BBS4: variants seen among roughly 807,000 people sequenced by gnomAD.
BBS4 encodes Bardet-Biedl syndrome 4, also known as BBSome complex member BBS4.
Under a neutral mutation model 71.4 loss-of-function variants are expected in BBS4, and 58 were observed. The observed-to-expected ratio is 0.81, with a 90% confidence interval of 0.66 to 1.01. The LOEUF is 1.01. BBS4 is among the 50% of genes least tolerant of loss of function. The pLI is 0.00. For synonymous variants in BBS4, 228 were observed against 216.8 expected, an observed-to-expected ratio of 1.05 and a Z score of -0.46; for missense variants, 660 against 607.9, an observed-to-expected ratio of 1.09 and a Z score of -0.90.
In BBS4 at chr15:72,736,898, T is replaced by C; in HGVS notation, c.1385T>C (p.Leu462Pro). 2.5e-6 allele frequency: 4 copies of C among 1,614,230 alleles called. No individual in the cohort carries two copies. Among genetic ancestry groups the C allele is most frequent in the Non-Finnish European group, 2.5e-6 (3 of 1,180,036 alleles). The change falls in exon 15 of 16, where the codon CTG becomes CCG. Residue 462 changes from leucine to proline, a missense_variant. Leu to Pro is a moderately conservative substitution (Grantham distance 98). Transcript: ENST00000268057. ...AAACCTGCCAGTTTCCAGCAGCCTCTGGGCTCTAATCAAGCTCTAGGACAG... is the reference window on the plus strand; with the variant it reads ...AAACCTGCCAGTTTCCAGCAGCCTCCGGGCTCTAATCAAGCTCTAGGACAG... The part of the protein sequence containing the change: ...TSKPASFQQP[L>P]GSNQALGQAM...
intron 1 of BBS4, among the ~76,000 whole-genome samples, chr15:72,694,932 A>G (rs532461275): frequency 1.3e-5 from 2 of 152,366 alleles, no homozygotes; most frequent in East Asian, 1.9e-4. Flanking sequence ...CTATAATTAT[A>G]CATTAAAAAT....
At chr15:72,708,155 A>G (rs2151014215) in intron 2 of BBS4, among the ~76,000 whole-genome samples, 1 of 152,144 alleles carries the variant, frequency 6.6e-6, no homozygotes, top group East Asian at 1.9e-4. Context: ...TTTAGTAGAG[A>G]CAGGGTTTCA....
chr15:72,732,248 CT>C (rs1280061104), intron 12 of BBS4, among the ~76,000 whole-genome samples: 1 of 152,102 alleles, frequency 6.6e-6, no homozygotes, highest in Non-Finnish European at 1.5e-5. Context: ...TAATTGGCCC[CT>C]AGGTGATACT....
At chr15:72,686,691 T>A in intron 1 of BBS4, 2 of 731,422 alleles carry the variant, frequency 2.7e-6, no homozygotes, top group Non-Finnish European at 4.1e-6. Context: ...CTGTGGTGAT[T>A]AAGTTTAGGA....
At chr15:72,736,238 C>CTT (rs35502034) in intron 14 of BBS4, among the ~76,000 whole-genome samples, 3,552 of 113,414 alleles carry the variant, frequency 0.031, 140 homozygotes, top group East Asian at 0.13. Flanking sequence ...TTCTATTTCA[C>CTT]TTTTTTTTTT....
intron 13 of BBS4, 101 bp downstream of exon 13, chr15:72,735,283 G>C: frequency 2.3e-6 from 2 of 882,518 alleles, no homozygotes; most frequent in Non-Finnish European, 3.7e-6. Flanking sequence ...CAGCCCAGCT[G>C]TTCCTCTATG....
At position 72,736,773 on chromosome 15, in the gene BBS4, G is replaced by A. The variant is rs746475272; in HGVS notation, c.1260G>A (p.Met420Ile). The change falls in exon 15 of 16, where the codon ATG becomes ATA. Residue 420 changes from methionine (M) to isoleucine (I), a missense_variant. Coordinates refer to ENST00000268057, the MANE Select transcript of BBS4 (RefSeq NM_033028.5). The stretch of plus-strand genomic sequence containing the variant: ...TTTGTGGACACAAGATGGTGGAGAT[G>A]GCTCAGAAGTTGGGAGCTGCTCTCC... ...SLEFDSEMVE[M>I]AQKLGAALQV... 1 of 1,614,164 alleles carries A rather than the reference G, an allele frequency of 6.2e-7. No homozygotes were observed. Among genetic ancestry groups the A allele is most frequent in the East Asian group, 2.2e-5 (1 of 44,878 alleles).
chr15:72,706,518 G>A (rs985440063), intron 2 of BBS4, among the ~76,000 whole-genome samples: 1 of 152,068 alleles, frequency 6.6e-6, no homozygotes, highest in Admixed American at 6.6e-5. Flanking sequence ...TGGCTTTTTC[G>A]AAGGAGATTT....
chr15:72,731,420 T>G lies in BBS4; in HGVS notation c.827T>G (p.Ile276Ser), dbSNP rs1042320767. The stretch of plus-strand genomic sequence containing the variant: ...GAAAGTCCTCCACTCTGGAATAACA[T>G]TGGAATGTGTTTCTTTGGCAAGAAG... ...VPESPPLWNN[I>S]GMCFFGKKKY... The change falls in exon 11 of 16, where the codon ATT becomes AGT. Residue 276 changes from isoleucine to serine, a missense_variant. Transcript: ENST00000268057. The G allele has an allele frequency of 6.2e-7, 1 of 1,614,152 alleles. No individual in the cohort carries two copies.
In BBS4 at chr15:72,688,411, C is replaced by CTTTTTTTTTTTTTTTTTTTTTTTTTTTT. The variant is rs58644289; in HGVS notation, c.24+2180_24+2181insTTTTTTTTTTTTTTTTTTTTTTTTTTTT. On this transcript the variant is annotated intron_variant, in intron 1 of 15. Coordinates refer to ENST00000268057, the MANE Select transcript of BBS4 (RefSeq NM_033028.5). ...GTCCTTTTAGGAAGTGGTATTTTAT[C>CTTTTTTTTTTTTTTTTTTTTTTTTTTTT]TTTTTTTTTTTTTTTTTTTTGAGAC... Among the ~76,000 whole-genome samples, 22 of 83,052 alleles carry CTTTTTTTTTTTTTTTTTTTTTTTTTTTT rather than the reference C, an allele frequency of 2.6e-4. 5 individuals carry two copies. Among genetic ancestry groups the CTTTTTTTTTTTTTTTTTTTTTTTTTTTT allele is most frequent in the African/African-American group, 6.6e-4 (15 of 22,598 alleles). 54.5% of individuals were successfully genotyped at this position (83,052 alleles called of 152,430 possible).
At chr15:72,706,496 T>G (rs2065267124) in intron 2 of BBS4, among the ~76,000 whole-genome samples, 1 of 152,130 alleles carries the variant, frequency 6.6e-6, no homozygotes, top group Admixed American at 6.5e-5. Flanking sequence ...TCTTTAAGCT[T>G]GGTGACTCGT....
intron 10 of BBS4, among the ~76,000 whole-genome samples, 180 bp downstream of exon 10, chr15:72,729,864 C>A (rs1016777165): frequency 6.6e-6 from 1 of 152,176 alleles, no homozygotes; most frequent in African/African-American, 2.4e-5. Context: ...CTCTACTTAT[C>A]TTCTAAAAGT....
At chr15:72,710,940 G>A (rs563626575) in intron 3 of BBS4, among the ~76,000 whole-genome samples, 33 of 151,106 alleles carry the variant, frequency 2.2e-4, no homozygotes, top group South Asian at 8.4e-4. Context: ...ACAGGTGCCC[G>A]CCACCATGCC....
chr15:72,716,983 T>A (rs2151025221), intron 6 of BBS4, 133 bp downstream of exon 6: 1 of 726,668 alleles, frequency 1.4e-6, no homozygotes, highest in Non-Finnish European at 2.4e-6. Flanking sequence ...AATTCATGAT[T>A]TGTATAAGTA....
chr15:72,686,367 AG>A, intron 1 of BBS4, 116 bp downstream of exon 1: 1 of 1,539,424 alleles, frequency 6.5e-7, no homozygotes, highest in South Asian at 1.2e-5. Flanking sequence ...CGAGCGTCTC[AG>A]GGTGGGCGGG....
intron 6 of BBS4, among the ~76,000 whole-genome samples, chr15:72,718,238 A>G (rs892825058): frequency 6.6e-6 from 1 of 152,134 alleles, no homozygotes; most frequent in Non-Finnish European, 1.5e-5. Context: ...GTATTCTGTT[A>G]TATACCCTAT....
intron 6 of BBS4, among the ~76,000 whole-genome samples, chr15:72,720,349 T>C (rs2151029396): frequency 6.6e-6 from 1 of 151,870 alleles, no homozygotes. Flanking sequence ...AGTGGTCGTG[T>C]GCACCTGTAG....
intron 1 of BBS4, among the ~76,000 whole-genome samples, chr15:72,694,900 C>T (rs1385670291): frequency 1.3e-5 from 2 of 152,066 alleles, no homozygotes; most frequent in Non-Finnish European, 2.9e-5. Flanking sequence ...GAGTATATTT[C>T]TTATGCACAT....
chr15:72,686,287 A>G (rs1595896835), intron 1 of BBS4, 36 bp downstream of exon 1: 4 of 1,557,600 alleles, frequency 2.6e-6, no homozygotes, highest in Non-Finnish European at 3.5e-6. Flanking sequence ...GCCCGGCCGC[A>G]GGGCAAGGCA....
Sources: gnomAD v4.1 joint callset for allele counts (sites outside exome capture counted in the v4.1 genomes callset) on GRCh38, gnomAD v4.1.1 for gene constraint, MANE v1.5 for transcripts, NCBI Gene and HGNC (gene_info 2026-07-23, HGNC 2026-07-21) for gene names.